The following MAPDA variants were observed in gnomAD, a reference collection of about 807,000 sequenced individuals.
The protein encoded by MAPDA is N6,N6-dimethyl-AMP deaminase.
the MAPDA span, chr15:43,351,972 G>A: frequency 6.5e-7 from 1 of 1,535,090 alleles, no homozygotes; most frequent in Admixed American, 2.0e-5. Flanking sequence ...CTACTTCTGA[G>A]TATGTGTTTC....
the MAPDA span, among the ~76,000 whole-genome samples, chr15:43,338,191 C>G: frequency 6.6e-6 from 1 of 152,142 alleles, no homozygotes; most frequent in Non-Finnish European, 1.5e-5. Context: ...AGATTCTGTG[C>G]ATTTGACCTA....
At chr15:43,348,925 GAAACACA>G in the MAPDA span, 15 of 1,613,446 alleles carry the variant, frequency 9.3e-6, no homozygotes, top group Non-Finnish European at 1.0e-5. Flanking sequence ...CCAAAAAAAA[GAAACACA>G]AATACTCCTG....
the MAPDA span, chr15:43,353,233 A>G: frequency 6.6e-6 from 1 of 152,226 alleles, no homozygotes; most frequent in East Asian, 1.9e-4. Context: ...TGGCCACTTC[A>G]GCTGAAGACA....
the MAPDA span, chr15:43,330,696 G>A: frequency 2.0e-6 from 1 of 491,056 alleles, no homozygotes; most frequent in Non-Finnish European, 3.5e-6. Flanking sequence ...GTTCGCTTGC[G>A]GCTGACCTTT....
At chr15:43,340,028 G>A in the MAPDA span, among the ~76,000 whole-genome samples, 40,752 of 152,168 alleles carry the variant, frequency 0.27, 8,812 homozygotes, top group African/African-American at 0.59. Context: ...TGTAGCTGAT[G>A]TGCAGATTGG....
At chr15:43,340,333 C>G in the MAPDA span, 2 of 1,613,926 alleles carry the variant, frequency 1.2e-6, no homozygotes, top group East Asian at 4.5e-5. Context: ...GGAGCACACC[C>G]AGAAGAGAAA....
At chr15:43,337,007 G>A in the MAPDA span, among the ~76,000 whole-genome samples, 3 of 151,942 alleles carry the variant, frequency 2.0e-5, no homozygotes, top group African/African-American at 4.8e-5. Flanking sequence ...GGTGGCTCAC[G>A]CCTGTAATCC....
chr15:43,348,370 T>C, the MAPDA span, among the ~76,000 whole-genome samples: 1 of 152,190 alleles, frequency 6.6e-6, no homozygotes, highest in East Asian at 1.9e-4. Context: ...TATTTTTAAC[T>C]ATAAGAGTTA....
the MAPDA span, among the ~76,000 whole-genome samples, chr15:43,346,215 C>T: frequency 6.6e-6 from 1 of 152,264 alleles, no homozygotes; most frequent in East Asian, 1.9e-4. Context: ...GACTATATGA[C>T]TATTTTCTCC....
the MAPDA span, chr15:43,335,283 C>G: frequency 8.7e-7 from 1 of 1,155,754 alleles, no homozygotes; most frequent in South Asian, 1.4e-5. Flanking sequence ...GCCTGAAATT[C>G]TGGCGCTTTG....
chr15:43,337,033 C>A, the MAPDA span, among the ~76,000 whole-genome samples: 2 of 151,952 alleles, frequency 1.3e-5, no homozygotes, highest in African/African-American at 4.8e-5. Context: ...CTCTGGGAGG[C>A]CGAGGTGGGC....
chr15:43,346,756 G>A, the MAPDA span, among the ~76,000 whole-genome samples: 1 of 152,182 alleles, frequency 6.6e-6, no homozygotes, highest in Non-Finnish European at 1.5e-5. Flanking sequence ...AAAATTTGGT[G>A]ACTACTATAT....
chr15:43,339,604 T>C, the MAPDA span, among the ~76,000 whole-genome samples: 2 of 152,230 alleles, frequency 1.3e-5, no homozygotes, highest in African/African-American at 2.4e-5. Context: ...AGCCTTTTTT[T>C]CTTCTAGATT....
At chr15:43,339,962 C>G in the MAPDA span, among the ~76,000 whole-genome samples, 1 of 152,144 alleles carries the variant, frequency 6.6e-6, no homozygotes, top group Admixed American at 6.5e-5. Context: ...TTTTATCAAT[C>G]TGCTATTATA....
the MAPDA span, among the ~76,000 whole-genome samples, chr15:43,332,690 C>T: frequency 6.6e-5 from 10 of 152,154 alleles, no homozygotes; most frequent in African/African-American, 2.2e-4. Context: ...ATCTAAGACA[C>T]CACAGTGCCT....
the MAPDA span, chr15:43,346,050 G>A: frequency 4.4e-6 from 7 of 1,586,272 alleles, no homozygotes; most frequent in Non-Finnish European, 6.0e-6. Flanking sequence ...CTAGCTTCGG[G>A]CATCTTGCAT....
the MAPDA span, among the ~76,000 whole-genome samples, chr15:43,341,387 G>A: frequency 6.6e-6 from 1 of 152,172 alleles, no homozygotes; most frequent in Non-Finnish European, 1.5e-5. Context: ...ACCTAAATAT[G>A]CAACAGTAGA....
At chr15:43,340,240 T>C in the MAPDA span, 4 of 1,600,778 alleles carry the variant, frequency 2.5e-6, no homozygotes, top group Non-Finnish European at 3.4e-6. Flanking sequence ...ATTATCAATA[T>C]TGTGTACGTT....
the MAPDA span, chr15:43,349,106 T>A: frequency 1.9e-6 from 3 of 1,611,444 alleles, no homozygotes; most frequent in African/African-American, 1.3e-5. Flanking sequence ...ATCCCCAGGT[T>A]GCCTGGGGAT....
Sources: gnomAD v4.1 joint callset for allele counts (sites outside exome capture counted in the v4.1 genomes callset) on GRCh38, gnomAD v4.1.1 for gene constraint, MANE v1.5 for transcripts, NCBI Gene and HGNC (gene_info 2026-07-23, HGNC 2026-07-21) for gene names.